HIPK1: variants seen among roughly 807,000 people sequenced by gnomAD.
The protein encoded by HIPK1 is homeodomain-interacting protein kinase 1.
In HIPK1, 28 loss-of-function variants were observed where a neutral mutation model predicts 117.1. That is an observed-to-expected ratio of 0.24 (90% CI 0.18 to 0.33). HIPK1 has a LOEUF of 0.33. Among genes scored for constraint, HIPK1 ranks in the 10% least tolerant of loss-of-function variants. The pLI is 1.00. For missense variants in HIPK1, 1,122 were observed against 1,475.1 expected (o/e 0.76, Z 3.92); for synonymous variants, 605 against 562.5 (o/e 1.08, Z -1.07).
At chr1:113,929,587 G>A in intron 1 of HIPK1, 55 bp downstream of exon 1, 1 of 1,231,580 alleles carries the variant, frequency 8.1e-7, no homozygotes, top group Non-Finnish European at 1.1e-6. Flanking sequence ...GGGCCGGCCG[G>A]GTTGAGGGAC....
Position 113,975,162 on chromosome 1 carries a change from T to A in HIPK1, c.*1650T>A, listed in dbSNP as rs1673074606. ...GTGCCTTATATGATAATGTAGTGGT[T>A]AATAGAGTTTACAGTGAGCTTGCCT... On this transcript the variant is annotated 3_prime_UTR_variant, in exon 16 of 16. Transcript: ENST00000426820. The A allele has an allele frequency of 6.5e-6, 1 of 152,738 alleles. No individual in the cohort carries two copies. The highest frequency in any genetic ancestry group is 1.5e-5 in the Non-Finnish European group (1 of 68,042). 9.5% of individuals were successfully genotyped at this position (152,738 alleles called of 1,614,324 possible).
At chr1:113,963,830 A>T (rs1672282842) in intron 10 of HIPK1, among the ~76,000 whole-genome samples, 1 of 152,106 alleles carries the variant, frequency 6.6e-6, no homozygotes, top group African/African-American at 2.4e-5. Flanking sequence ...AAAGCTCTCG[A>T]TGTAGCCTCA....
Position 113,967,879 on chromosome 1 carries a change from T to C in HIPK1, c.2495T>C (p.Val832Ala). Residue 832 changes from valine to alanine, a missense_variant, in exon 12 of 16, where the codon GTT becomes GCT. Around this residue, in one of 6 missense-constraint regions of HIPK1, gnomAD observed 731 missense variants for 860.4 expected, o/e 0.85. Transcript: ENST00000426820. Reference sequence around the variant, plus strand: ...CCTCTGAATGTTGGTGTTGCCCATGTTGTCAGACAACAACAATCCAGTTCC... The same window carrying C: ...CCTCTGAATGTTGGTGTTGCCCATGCTGTCAGACAACAACAATCCAGTTCC... Reference protein sequence around the residue: ...AQPLNVGVAHVVRQQQSSSLP... With the variant: ...AQPLNVGVAHAVRQQQSSSLP... The C allele has an allele frequency of 6.2e-7, 1 of 1,612,088 alleles. No homozygotes were observed. Among genetic ancestry groups the C allele is most frequent in the Non-Finnish European group, 8.5e-7 (1 of 1,179,606 alleles).
At position 113,970,064 on chromosome 1, in the gene HIPK1, T is replaced by TCTGATA. The variant is rs1466897319; in HGVS notation, c.2882_2883insGATACT (p.Leu961_Arg962insIleLeu). ...CTTATTCCACTGATACCCTGAGTGC[T>TCTGATA]CTCCGAGGCAATAGTGGATCCGTTT... On this transcript the variant is annotated inframe_insertion, in exon 14 of 16. Transcript: ENST00000426820. 1 of 1,614,174 alleles carries TCTGATA rather than the reference T, an allele frequency of 6.2e-7. No individual in the cohort carries two copies. The highest frequency in any genetic ancestry group is 1.7e-5 in the Admixed American group (1 of 60,026).
chr1:113,940,476 G>T lies in HIPK1; in HGVS notation c.93G>T (p.Trp31Cys). ...AACTGAAAATAGAGCCCTCTGGCTG[G>T]GATGTTTCAGGACAGAGTAGCAACG... ...AKKLKIEPSG[W>C]DVSGQSSNDK... The change falls in exon 2 of 16, where the codon TGG (tryptophan) becomes TGT (cysteine). Residue 31 changes from tryptophan (W) to cysteine (C), a missense_variant. Coordinates refer to ENST00000426820, the MANE Select transcript of HIPK1 (RefSeq NM_198268.3). The T allele has an allele frequency of 6.2e-7, 1 of 1,614,118 alleles. No individual in the cohort carries two copies. Among genetic ancestry groups the T allele is most frequent in the Non-Finnish European group, 8.5e-7 (1 of 1,180,022 alleles).
At chr1:113,942,308 G>A (rs981299672) in intron 2 of HIPK1, among the ~76,000 whole-genome samples, 3 of 151,920 alleles carry the variant, frequency 2.0e-5, no homozygotes, top group Non-Finnish European at 4.4e-5. Flanking sequence ...TGATCCACCC[G>A]CCTCAGCCTC....
rs759807796 is a variant in HIPK1, at chr1:113,940,883, G to A, written c.500G>A (p.Ser167Asn). 1 of 1,614,170 alleles carries A rather than the reference G, an allele frequency of 6.2e-7. No individual in the cohort carries two copies. Among genetic ancestry groups the A allele is most frequent in the East Asian group, 2.2e-5 (1 of 44,890 alleles). The change falls in exon 2 of 16, where the codon AGC (serine) becomes AAC (asparagine). Residue 167 changes from serine to asparagine, a missense_variant. By Grantham distance (46) the Ser-to-Asn change is conservative. This residue lies in a region of HIPK1 where 192 missense variants were observed against 234.0 expected (regional missense o/e 0.82). Transcript: ENST00000426820. ...ACCACCACTGTGACCACAAAGAGTAGCAGTTCCAGCGGAGAAGGGGATTAC... is the reference window on the plus strand; with the variant it reads ...ACCACCACTGTGACCACAAAGAGTAACAGTTCCAGCGGAGAAGGGGATTAC... ...ATTTTVTTKS[S>N]SSSGEGDYQL...
intron 10 of HIPK1, among the ~76,000 whole-genome samples, chr1:113,964,684 A>G (rs953467155): frequency 6.6e-6 from 1 of 152,338 alleles, no homozygotes; most frequent in Non-Finnish European, 1.5e-5. Flanking sequence ...TGTCACTTCC[A>G]GATTAATTTT....
chr1:113,939,311 G>A (rs1207858768), intron 1 of HIPK1, among the ~76,000 whole-genome samples: 1 of 147,652 alleles, frequency 6.8e-6, no homozygotes, highest in African/African-American at 2.5e-5. Context: ...ACCATGCCTG[G>A]CTAACTTTTT....
At chr1:113,960,560 C>T (rs1172938556) in intron 8 of HIPK1, among the ~76,000 whole-genome samples, 1 of 152,140 alleles carries the variant, frequency 6.6e-6, no homozygotes, top group Non-Finnish European at 1.5e-5. Context: ...ACATTTCCTC[C>T]TAAATTTTAC....
intron 14 of HIPK1, among the ~76,000 whole-genome samples, chr1:113,970,896 T>A (rs1230977920): frequency 6.6e-6 from 1 of 152,202 alleles, no homozygotes; most frequent in Non-Finnish European, 1.5e-5. Flanking sequence ...TCTTAACCTC[T>A]TTAGGCTGGA....
rs1673004794 is a variant in HIPK1 at position 113,973,859 on chromosome 1, T to A, written c.*347T>A. On this transcript the variant is annotated 3_prime_UTR_variant, in exon 16 of 16. Transcript: ENST00000426820. Reference sequence around the variant, plus strand: ...AATATTTTGTCTCTCTGACTTGATTTCTATAAATGCTTTTAAAAACAAGTG... The same window carrying A: ...AATATTTTGTCTCTCTGACTTGATTACTATAAATGCTTTTAAAAACAAGTG... The A allele has an allele frequency of 5.4e-6, 1 of 183,798 alleles. No individual in the cohort carries two copies. Among genetic ancestry groups the A allele is most frequent in the African/African-American group, 2.3e-5 (1 of 42,784 alleles). 11.4% of individuals were successfully genotyped at this position (183,798 alleles called of 1,614,324 possible).
chr1:113,951,043 G>A (rs559993125), intron 2 of HIPK1: 1 of 172,634 alleles, frequency 5.8e-6, no homozygotes, highest in Non-Finnish European at 1.2e-5. Flanking sequence ...GTAAAAAGAT[G>A]TGTATCTTAG....
chr1:113,955,722 A>G, intron 5 of HIPK1, 73 bp downstream of exon 5: 1 of 756,796 alleles, frequency 1.3e-6, no homozygotes, highest in African/African-American at 1.8e-5. Context: ...TATACTAAAG[A>G]CAAATTTAAT....
At chr1:113,947,265 G>A (rs866509790) in intron 2 of HIPK1, among the ~76,000 whole-genome samples, 37 of 152,206 alleles carry the variant, frequency 2.4e-4, no homozygotes, top group African/African-American at 8.4e-4. Context: ...CCTGTCTTTC[G>A]GGCTTGAGTT....
In HIPK1 at chr1:113,973,030, C is replaced by A; in HGVS notation, c.3151C>A (p.Gln1051Lys). The change falls in exon 16 of 16, where the codon CAG (glutamine) becomes AAG (lysine). Residue 1051 changes from glutamine (Q) to lysine (K), a missense_variant. This residue lies in a region of HIPK1 where 731 missense variants were observed against 860.4 expected (regional missense o/e 0.85). Transcript: ENST00000426820. ...AQPLNLSQNQ[Q>K]SSAAPTSQER... is the part of the protein sequence containing the mutation. Reference sequence around the variant, plus strand: ...TCTTCCTTCTTTCTTCCAGAACCAGCAGTCATCGGCGGCTCCAACCTCACA... The same window carrying A: ...TCTTCCTTCTTTCTTCCAGAACCAGAAGTCATCGGCGGCTCCAACCTCACA... 6.6e-7 allele frequency: 1 copy of A among 1,514,972 alleles called. No homozygotes were observed. The highest frequency in any genetic ancestry group is 8.8e-7 in the Non-Finnish European group (1 of 1,132,096). 93.8% of individuals were successfully genotyped at this position (1,514,972 alleles called of 1,614,324 possible).
At chr1:113,970,951 T>C (rs1389462761) in intron 14 of HIPK1, among the ~76,000 whole-genome samples, 1 of 152,114 alleles carries the variant, frequency 6.6e-6, no homozygotes, top group Non-Finnish European at 1.5e-5. Flanking sequence ...CCCACCTAGA[T>C]GCAAGTGAGC....
At chr1:113,963,315 A>G in intron 9 of HIPK1, 72 bp from the exon 10 acceptor site, 2 of 1,540,334 alleles carry the variant, frequency 1.3e-6, no homozygotes, top group East Asian at 2.3e-5. Context: ...CTTGGGGGGA[A>G]TGAGAACCCT....
intron 3 of HIPK1, 132 bp downstream of exon 3, chr1:113,953,021 GA>G (rs1558136429): frequency 1.3e-6 from 1 of 786,594 alleles, no homozygotes; most frequent in Non-Finnish European, 1.8e-6. Context: ...TGCTACTAAA[GA>G]ACTTTTTAAA....
Sources: allele counts gnomAD v4.1 joint callset (sites outside exome capture counted in the v4.1 genomes callset), GRCh38; gene constraint gnomAD v4.1.1; regional missense constraint gnomAD v4.1.1; transcripts MANE v1.5; gene names NCBI Gene and HGNC (gene_info 2026-07-23, HGNC 2026-07-21).